The following NKAIN4 variants were observed in gnomAD, a reference collection of about 807,000 sequenced individuals.
NKAIN4 encodes the protein sodium/potassium transporting ATPase interacting 4, also known as sodium/potassium-transporting ATPase subunit beta-1-interacting protein 4.
In NKAIN4, 28 loss-of-function variants were observed where a neutral mutation model predicts 28.8. The ratio of observed to expected loss-of-function variants is 0.97; its 90% CI spans 0.72 to 1.33. The LOEUF is 1.33. NKAIN4 is among the 40% of genes most tolerant of loss of function. The pLI, the probability that NKAIN4 is intolerant of heterozygous loss-of-function variation, is 0.00. For missense variants in NKAIN4, 289 were observed against 277.2 expected (o/e 1.04, Z -0.30); for synonymous variants, 122 against 115.6 (o/e 1.06, Z -0.36).
At chr20:63,254,249 G>A in intron 1 of NKAIN4, 148 bp downstream of exon 1, 3 of 599,844 alleles carry the variant, frequency 5.0e-6, no homozygotes, top group Non-Finnish European at 7.5e-6. Flanking sequence ...TTCGGCCGTA[G>A]CAGCCCGGGG....
chr20:63,242,898 G>T (rs1392392482), intron 5 of NKAIN4, among the ~76,000 whole-genome samples: 1 of 150,746 alleles, frequency 6.6e-6, no homozygotes, highest in Non-Finnish European at 1.5e-5. Flanking sequence ...CTGGGGGGAC[G>T]GCAGGGGTAG....
intron 1 of NKAIN4, chr20:63,253,453 T>C: frequency 3.0e-6 from 3 of 985,498 alleles, no homozygotes; most frequent in South Asian, 9.4e-5. Flanking sequence ...AGGGTTTCGC[T>C]GCTCAAAACT....
chr20:63,241,311 C>T lies in NKAIN4; in HGVS notation c.*186G>A, dbSNP rs2066746210. 1 of 590,076 alleles carries T rather than the reference C, an allele frequency of 1.7e-6. No individual in the cohort carries two copies. The highest frequency in any genetic ancestry group is 2.1e-5 in the South Asian group (1 of 48,328). 36.6% of individuals were successfully genotyped at this position (590,076 alleles called of 1,614,324 possible). ...GAAATTACAAACTCTCTTGACGCTGCAGCCAGCCGTGGCACTGCCCTGCCG... is the reference window on the plus strand; with the variant it reads ...GAAATTACAAACTCTCTTGACGCTGTAGCCAGCCGTGGCACTGCCCTGCCG... On this transcript the variant is annotated 3_prime_UTR_variant, in exon 7 of 7. Coordinates refer to ENST00000370316, the MANE Select transcript of NKAIN4 (RefSeq NM_152864.4).
chr20:63,241,139 C>T lies in NKAIN4; in HGVS notation c.*358G>A, dbSNP rs1304531366. On this transcript the variant is annotated 3_prime_UTR_variant, in exon 7 of 7. Transcript: ENST00000370316. ...TTGCAGCCCGAGGGTCCAGCAGCCC[C>T]AGGTGGGCACCTGAGGGAGGGGCTC... is the stretch of plus-strand genomic sequence containing the variant. 3.3e-6 allele frequency: 1 copy of T among 303,792 alleles called. No individual in the cohort carries two copies. The highest frequency in any genetic ancestry group is 6.2e-6 in the Non-Finnish European group (1 of 161,268). The allele number at this position is 303,792 out of a possible 1,614,324, so 18.8% of individuals were successfully genotyped here.
Position 63,250,072 on chromosome 20 carries a change from C to G in NKAIN4, c.55G>C (p.Val19Leu). The change falls in exon 2 of 7, where the codon GTC becomes CTC. Residue 19 changes from valine (V) to leucine (L), a missense_variant and splice_region_variant. Val to Leu is a conservative substitution (Grantham distance 32, BLOSUM62 1). Transcript: ENST00000370316. Reference sequence around the variant, plus strand: ...AACACCTGCCTCTCCAGGGCGGCGACCTAGGAGCAGGGCGGGCGCCATGAA... The same window carrying G: ...AACACCTGCCTCTCCAGGGCGGCGAGCTAGGAGCAGGGCGGGCGCCATGAA... ...ALVVLCAFQL[V>L]AALERQVFDF... 6.4e-7 allele frequency: 1 copy of G among 1,568,674 alleles called. No homozygotes were observed. Among genetic ancestry groups the G allele is most frequent in the South Asian group, 1.2e-5 (1 of 85,824 alleles).
chr20:63,248,504 T>G, intron 3 of NKAIN4: 1 of 305,538 alleles, frequency 3.3e-6, no homozygotes, highest in Non-Finnish European at 6.3e-6. Context: ...AGGAGGGTGG[T>G]GTCCATTCAC....
chr20:63,242,552 T>G lies in NKAIN4; in HGVS notation c.604A>C (p.Lys202Gln), dbSNP rs748691145. Residue 202 changes from lysine (K) to glutamine (Q), a missense_variant, in exon 6 of 7, where the codon AAG becomes CAG. Transcript: ENST00000370316. ...AGCCATACTTACAAGTACACCTGCT[T>G]GGACAAGAGACTGGATGGCTTTTCA... ...VNEKPSSLLS[K>Q]QVYLPA 2.5e-6 allele frequency: 4 copies of G among 1,612,572 alleles called. No homozygotes were observed. The highest frequency in any genetic ancestry group is 2.5e-6 in the Non-Finnish European group (3 of 1,178,802).
At position 63,245,096 on chromosome 20, in the gene NKAIN4, C is replaced by G. The variant is rs1480973398; in HGVS notation, c.472-1012G>C. On this transcript the variant is annotated intron_variant, in intron 4 of 6. Transcript: ENST00000370316. The surrounding 1 kb of genome is among the most constrained non-coding windows in gnomAD (Gnocchi z 4.7). ...GCTGGACATGCTTGGGCTCCGTCCC[C>G]CCGACCCCCGACCCCATCTGGTACA... Among the ~76,000 whole-genome samples, 1 of 152,144 alleles carries G rather than the reference C, an allele frequency of 6.6e-6. No homozygotes were observed. The highest frequency in any genetic ancestry group is 6.5e-5 in the Admixed American group (1 of 15,282).
At chr20:63,251,457 G>A (rs1197412508) in intron 1 of NKAIN4, among the ~76,000 whole-genome samples, 1 of 152,178 alleles carries the variant, frequency 6.6e-6, no homozygotes, top group Non-Finnish European at 1.5e-5. Flanking sequence ...AGTCCGCTAA[G>A]TAGCAGGTGT....
intron 4 of NKAIN4, chr20:63,246,608 C>T: frequency 5.1e-6 from 5 of 985,334 alleles, no homozygotes; most frequent in Non-Finnish European, 6.0e-6. Flanking sequence ...GAGCCTCGCT[C>T]CTGGAAGCCC....
rs1391136594 is a variant in NKAIN4, at chr20:63,247,558, G to A, written c.471+20C>T. The A allele has an allele frequency of 3.9e-6, 6 of 1,546,078 alleles. No individual in the cohort carries two copies. The highest frequency in any genetic ancestry group is 5.2e-6 in the Non-Finnish European group (6 of 1,144,314). Reference sequence around the variant, plus strand: ...CCCATCAACCCATCCCCACCCGGGGGCCCCCTTCCCCACGCTCACCGCGAT... The same window carrying A: ...CCCATCAACCCATCCCCACCCGGGGACCCCCTTCCCCACGCTCACCGCGAT... On this transcript the variant is annotated intron_variant, in intron 4 of 6. Transcript: ENST00000370316.
At chr20:63,249,798 G>T in intron 2 of NKAIN4, 137 bp downstream of exon 2, 1 of 875,940 alleles carries the variant, frequency 1.1e-6, no homozygotes, top group Non-Finnish European at 1.7e-6. Flanking sequence ...AAAGAGGTCT[G>T]AACCCAGGGG....
chr20:63,246,920 G>A (rs568542210), intron 4 of NKAIN4: 372 of 985,642 alleles, frequency 3.8e-4, no homozygotes, highest in Non-Finnish European at 4.3e-4. Context: ...GGAAGTGGCC[G>A]TGTGGCCATA....
chr20:63,254,118 C>T (rs1383975422), intron 1 of NKAIN4: 5 of 452,868 alleles, frequency 1.1e-5, no homozygotes, highest in Non-Finnish European at 2.0e-5. Context: ...TCCGGCCAGC[C>T]CATCCAGCCG....
intron 3 of NKAIN4, among the ~76,000 whole-genome samples, 194 bp from the exon 4 acceptor site, chr20:63,247,969 G>A (rs527649032): frequency 1.1e-3 from 173 of 151,214 alleles, no homozygotes; most frequent in African/African-American, 3.8e-3. Flanking sequence ...CCTCCCAGCC[G>A]CTCCTGCGCC....
intron 2 of NKAIN4, 22 bp downstream of exon 2, chr20:63,249,913 G>A (rs1250028891): frequency 1.3e-6 from 2 of 1,598,546 alleles, no homozygotes; most frequent in Non-Finnish European, 1.7e-6. Context: ...TGCCCATAAA[G>A]AGGGCCGGGC....
At chr20:63,244,125 G>A (rs758001381) in intron 4 of NKAIN4, 41 bp from the exon 5 acceptor site, 26 of 1,585,882 alleles carry the variant, frequency 1.6e-5, no homozygotes, top group Non-Finnish European at 2.1e-5. Flanking sequence ...GCGGCCAGGC[G>A]AGCCTGTGGG....
intron 1 of NKAIN4, chr20:63,253,227 C>A (rs1384048488): frequency 3.0e-6 from 3 of 985,350 alleles, no homozygotes; most frequent in Non-Finnish European, 3.6e-6. Flanking sequence ...CTGAAAGATA[C>A]CAACTGTTCC....
intron 6 of NKAIN4, chr20:63,241,819 C>A (rs941968436): frequency 1.9e-6 from 1 of 527,820 alleles, no homozygotes; most frequent in Non-Finnish European, 3.6e-6. Flanking sequence ...TGCGTGTGAC[C>A]CCACCCCTTC....
Sources: gnomAD v4.1 joint callset for allele counts (sites outside exome capture counted in the v4.1 genomes callset) on GRCh38, gnomAD v4.1.1 for gene constraint, Gnocchi (gnomAD v3.1) non-coding constraint, MANE v1.5 for transcripts, NCBI Gene and HGNC (gene_info 2026-07-23, HGNC 2026-07-21) for gene names.